BANP: variants seen among roughly 807,000 people sequenced by gnomAD.
BANP encodes the protein protein BANP.
BANP carries 11 observed loss-of-function variants against 68.1 expected under a neutral mutation model. The observed-to-expected ratio is 0.16, with a 90% CI of 0.10 to 0.27. BANP has a LOEUF of 0.27. BANP is among the 10% of genes least tolerant of loss of function. The probability of loss-of-function intolerance (pLI) is 1.00; values close to 1 mark genes in which losing one functional copy is unlikely to be tolerated. For missense variants in BANP, 504 were observed against 722.7 expected, an observed-to-expected ratio of 0.70 and a Z score of 3.47; for synonymous variants, 329 against 303.2, an observed-to-expected ratio of 1.09 and a Z score of -0.88.
rs1232245117 is a variant in BANP at position 88,036,981 on chromosome 16, G to C, written c.1273-992G>C. ...ACCTTCCAGTGCAGGAGCTGCCTTT[G>C]AGGGGCAGGGGAAGGTTTGCTTCTC... is the stretch of plus-strand genomic sequence containing the variant. On this transcript the variant is annotated intron_variant, in intron 10 of 13. Transcript: ENST00000682872. This position sits in a 1 kb window ranked among gnomAD's most constrained non-coding sequence, Gnocchi z 4.2. Among the ~76,000 whole-genome samples the C allele has an allele frequency of 6.6e-6, 1 of 152,204 alleles. No individual in the cohort carries two copies. Among genetic ancestry groups the C allele is most frequent in the Non-Finnish European group, 1.5e-5 (1 of 68,032 alleles).
chr16:88,026,008 G>A (rs997084445), intron 7 of BANP, among the ~76,000 whole-genome samples: 3 of 152,218 alleles, frequency 2.0e-5, no homozygotes, highest in African/African-American at 7.2e-5. Context: ...CTAGTGGGAA[G>A]TGGCCGGGCG....
chr16:87,950,194 A>G (rs1306111107), upstream of BANP, among the ~76,000 whole-genome samples: 1 of 151,800 alleles, frequency 6.6e-6, no homozygotes, highest in South Asian at 2.1e-4. Flanking sequence ...TCTTTTTCCC[A>G]GTGAAAATAG....
intron 6 of BANP, among the ~76,000 whole-genome samples, chr16:88,007,455 G>C (rs111398388): frequency 2.6e-5 from 4 of 152,204 alleles, no homozygotes; most frequent in Admixed American, 6.5e-5. Context: ...CCCTCGGCCT[G>C]CCCAGTGTGC....
At chr16:87,998,980 T>G (rs1192047085) in intron 4 of BANP, among the ~76,000 whole-genome samples, 10 of 20,774 alleles carry the variant, frequency 4.8e-4, no homozygotes, top group African/African-American at 7.9e-4. Flanking sequence ...ATGCACGCAC[T>G]TGCACGGCTG....
At chr16:88,010,608 G>T (rs1791082064) in intron 6 of BANP, among the ~76,000 whole-genome samples, 1 of 152,234 alleles carries the variant, frequency 6.6e-6, no homozygotes, top group African/African-American at 2.4e-5. Context: ...ATAAGAACAT[G>T]TAGCCACACT....
intron 1 of BANP, among the ~76,000 whole-genome samples, chr16:87,966,287 C>T (rs1230643178): frequency 6.6e-6 from 1 of 152,180 alleles, no homozygotes; most frequent in South Asian, 2.1e-4. Context: ...GCCCTGAGCC[C>T]TGCATCTCTT....
chr16:88,003,588 C>A lies in BANP; in HGVS notation c.363-707C>A. 1 of 454,642 alleles carries A rather than the reference C, an allele frequency of 2.2e-6. No individual in the cohort carries two copies. Among genetic ancestry groups the A allele is most frequent in the East Asian group, 7.0e-5 (1 of 14,376 alleles). 28.2% of individuals were successfully genotyped at this position (454,642 alleles called of 1,614,324 possible). On this transcript the variant is annotated intron_variant, in intron 4 of 13. Coordinates refer to ENST00000682872, the MANE Select transcript of BANP (RefSeq NM_001386991.1). The surrounding 1 kb of genome is among the most constrained non-coding windows in gnomAD (Gnocchi z 6.1). ...GGTGAGTCTGTACTTTGAGATGAAG[C>A]TGTGTTAGCTGCCGCCTGTCTGAAC...
At chr16:88,052,999 C>G (rs1250465293) in intron 11 of BANP, among the ~76,000 whole-genome samples, 1 of 150,194 alleles carries the variant, frequency 6.7e-6, no homozygotes, top group Admixed American at 6.6e-5. Flanking sequence ...TCTACCACTA[C>G]CATCTCCATC....
chr16:88,003,401 G>C lies in BANP; in HGVS notation c.363-894G>C. 2.2e-6 allele frequency: 1 copy of C among 455,462 alleles called. No individual in the cohort carries two copies. Among genetic ancestry groups the C allele is most frequent in the South Asian group, 1.6e-5 (1 of 64,448 alleles). The allele number at this position is 455,462 out of a possible 1,614,324, so 28.2% of individuals were successfully genotyped here. A position where few individuals can be genotyped will look rare whatever the true frequency, so the allele number is the denominator to read the frequency against. ...GGCAGGCTTCCCAGGTTGGTTTTTG[G>C]AGAGTGAAATCCAAGAATGGAGTTT... On this transcript the variant is annotated intron_variant, in intron 4 of 13. Coordinates refer to ENST00000682872, the MANE Select transcript of BANP (RefSeq NM_001386991.1). The surrounding 1 kb of genome is among the most constrained non-coding windows in gnomAD (Gnocchi z 6.1).
At chr16:87,971,507 T>A (rs1053929799) in intron 1 of BANP, among the ~76,000 whole-genome samples, 2 of 152,158 alleles carry the variant, frequency 1.3e-5, no homozygotes, top group African/African-American at 4.8e-5. Flanking sequence ...TCCTTTTTTT[T>A]TTCTGTTGGA....
chr16:88,071,926 C>T lies in BANP; in HGVS notation c.1378-143C>T, dbSNP rs1274643610. 2.8e-6 allele frequency: 3 copies of T among 1,079,146 alleles called. No individual in the cohort carries two copies. In the East Asian group the frequency reaches 7.7e-5, roughly 28 times the overall value. 66.8% of individuals were successfully genotyped at this position (1,079,146 alleles called of 1,614,324 possible). ...GGGAGACAGGATGTGCCGCAGAGTC[C>T]TCGGTGTGGCCCTGAGGCCGTGTCC... On this transcript the variant is annotated intron_variant, in intron 12 of 13. Transcript: ENST00000682872. The surrounding 1 kb of genome is among the most constrained non-coding windows in gnomAD (Gnocchi z 6.5).
At chr16:88,059,986 C>T (rs536974884) in intron 11 of BANP, among the ~76,000 whole-genome samples, 14 of 152,244 alleles carry the variant, frequency 9.2e-5, no homozygotes, top group South Asian at 4.1e-4. Context: ...TGGGGTTCTC[C>T]GTGTAGTGTG....
intron 12 of BANP, among the ~76,000 whole-genome samples, chr16:88,068,164 C>A (rs2089287377): frequency 6.6e-6 from 1 of 152,136 alleles, no homozygotes; most frequent in Non-Finnish European, 1.5e-5. Flanking sequence ...ACCTGTGGCC[C>A]CTGCAGAGCT....
intron 4 of BANP, among the ~76,000 whole-genome samples, chr16:87,998,585 C>G (rs888296475): frequency 1.4e-5 from 1 of 73,812 alleles, no homozygotes; most frequent in Non-Finnish European, 3.3e-5. Context: ...GCTGGACTCA[C>G]CTGTCCTTCC....
At chr16:87,976,284 AGAACAAGTTTTT>A in intron 2 of BANP, among the ~76,000 whole-genome samples, 1 of 152,182 alleles carries the variant, frequency 6.6e-6, no homozygotes, top group Non-Finnish European at 1.5e-5. Flanking sequence ...ACAGTGCTTG[AGAACAAGTTTTT>A]TCTACACCTT....
intron 1 of BANP, among the ~76,000 whole-genome samples, chr16:87,961,997 T>C (rs991783512): frequency 1.3e-5 from 2 of 152,042 alleles, no homozygotes; most frequent in South Asian, 4.1e-4. Context: ...CCCAGCACTT[T>C]GGGAGGATGA....
rs1049516424 is a variant in BANP at position 88,022,280 on chromosome 16, C to T, written c.895+3613C>T. Among the ~76,000 whole-genome samples, 16 of 152,278 alleles carry T rather than the reference C, an allele frequency of 1.1e-4. No individual in the cohort carries two copies. The South Asian group carries it at 2.5e-3, about 24-fold the overall frequency. On this transcript the variant is annotated intron_variant, in intron 7 of 13. Transcript: ENST00000682872. ...GACTCTGCATCCAAGCCGGTGACCCCGGATCTGAGGGCTTTTCTAAAGAAT... is the reference window on the plus strand; with the variant it reads ...GACTCTGCATCCAAGCCGGTGACCCTGGATCTGAGGGCTTTTCTAAAGAAT...
At chr16:87,999,457 G>T (rs8045287) in intron 4 of BANP, among the ~76,000 whole-genome samples, 1,179 of 6,818 alleles carry the variant, frequency 0.17, 189 homozygotes, top group Middle Eastern at 0.25. Flanking sequence ...TGCGCGGCTG[G>T]ACTTACCTGT....
Position 87,984,601 on chromosome 16 carries a change from C to T in BANP, c.362+342C>T, listed in dbSNP as rs113963663. Among the ~76,000 whole-genome samples the T allele has an allele frequency of 4.3e-3, 656 of 152,312 alleles. 5 individuals carry two copies. The highest frequency in any genetic ancestry group is 0.014 in the African/African-American group (589 of 41,560). On this transcript the variant is annotated intron_variant, in intron 4 of 13. Coordinates refer to ENST00000682872, the MANE Select transcript of BANP (RefSeq NM_001386991.1). ...GCTAGTCTTTACATATGTTTTTCTT[C>T]GTATGTGGTGTTTATACATTTCACA...
Sources: gnomAD v4.1 joint callset for allele counts (sites outside exome capture counted in the v4.1 genomes callset) on GRCh38, gnomAD v4.1.1 for gene constraint, Gnocchi (gnomAD v3.1) non-coding constraint, MANE v1.5 for transcripts, NCBI Gene and HGNC (gene_info 2026-07-23, HGNC 2026-07-21) for gene names.